ZNF585B: variants seen among roughly 807,000 people sequenced by gnomAD.
The protein encoded by ZNF585B is zinc finger protein 41-like protein.
In ZNF585B, 7 loss-of-function variants were observed where a neutral mutation model predicts 14.0. The observed-to-expected ratio is 0.50, with a 90% CI of 0.28 to 0.94. The LOEUF (loss-of-function observed/expected upper bound fraction) is 0.94, where lower values mean the gene tolerates loss of function less well. Among genes scored for constraint, ZNF585B ranks in the 40% least tolerant of loss-of-function variants. The probability of loss-of-function intolerance (pLI) is 0.09; values close to 1 mark genes in which losing one functional copy is unlikely to be tolerated. For synonymous variants in ZNF585B, 290 were observed against 317.3 expected, an observed-to-expected ratio of 0.91 and a Z score of 0.91; for missense variants, 750 against 924.4, an observed-to-expected ratio of 0.81 and a Z score of 2.45.
At chr19:37,203,624 GT>G (rs1248069575) in intron 2 of ZNF585B, among the ~76,000 whole-genome samples, 1 of 152,026 alleles carries the variant, frequency 6.6e-6, no homozygotes, top group African/African-American at 2.4e-5. Flanking sequence ...GAGCCTTTCT[GT>G]TTTGTTTTGT....
intron 2 of ZNF585B, among the ~76,000 whole-genome samples, chr19:37,193,707 G>A (rs1011626820): frequency 1.3e-5 from 2 of 152,100 alleles, no homozygotes; most frequent in South Asian, 4.1e-4. Flanking sequence ...CTGAGCCCGG[G>A]AGGTCGAAGC....
chr19:37,192,796 T>C (rs1339035321), intron 2 of ZNF585B, among the ~76,000 whole-genome samples: 1 of 136,796 alleles, frequency 7.3e-6, no homozygotes, highest in African/African-American at 2.8e-5. Context: ...GGTGACAGAG[T>C]GAGACTCCAT....
rs1334843996 is a variant in ZNF585B, at chr19:37,184,444, G to C, written c.*783C>G. ...AAAGAAAGAAAAAGAAAGAAAGAAG[G>C]AAAGAAAGAAAGAAAGAAAGAAAGA... is the stretch of plus-strand genomic sequence containing the variant. On this transcript the variant is annotated 3_prime_UTR_variant, in exon 5 of 5. Coordinates refer to ENST00000532828, the MANE Select transcript of ZNF585B (RefSeq NM_152279.4). The C allele has an allele frequency of 8.8e-4, 17 of 19,214 alleles. 1 individual carries two copies. The South Asian group carries it at 0.014, about 15-fold the overall frequency. 1.2% of individuals were successfully genotyped at this position (19,214 alleles called of 1,614,324 possible). A position where few individuals can be genotyped will look rare whatever the true frequency, so the allele number is the denominator to read the frequency against.
At chr19:37,208,102 A>C (rs538534068) in intron 1 of ZNF585B, among the ~76,000 whole-genome samples, 2 of 152,256 alleles carry the variant, frequency 1.3e-5, no homozygotes, top group Admixed American at 1.3e-4. Context: ...CCTCCCAAGT[A>C]GCTGGGACTA....
intron 2 of ZNF585B, among the ~76,000 whole-genome samples, chr19:37,204,661 A>C (rs1164869284): frequency 1.3e-5 from 2 of 151,996 alleles, no homozygotes; most frequent in African/African-American, 4.8e-5. Context: ...TGTAATCTCG[A>C]ACTCTTAGGC....
intron 4 of ZNF585B, among the ~76,000 whole-genome samples, chr19:37,187,691 T>G (rs1429175450): frequency 2.0e-5 from 3 of 152,032 alleles, no homozygotes; most frequent in Non-Finnish European, 4.4e-5. Flanking sequence ...CAAGGGATAA[T>G]AAGTCACTTT....
chr19:37,206,288 C>G (rs192599252), intron 2 of ZNF585B, among the ~76,000 whole-genome samples: 145 of 151,772 alleles, frequency 9.6e-4, no homozygotes, highest in African/African-American at 3.2e-3. Flanking sequence ...CCCGTCTCTA[C>G]TAAAAATACA....
intron 2 of ZNF585B, among the ~76,000 whole-genome samples, chr19:37,191,181 C>T: frequency 6.6e-6 from 1 of 152,128 alleles, no homozygotes; most frequent in Non-Finnish European, 1.5e-5. Context: ...ATGCAACAAT[C>T]TTTATTTTGC....
chr19:37,205,010 AGTG>A (rs1186073298), intron 2 of ZNF585B, among the ~76,000 whole-genome samples: 1 of 152,118 alleles, frequency 6.6e-6, no homozygotes, highest in Admixed American at 6.5e-5. Context: ...AGCCTCCCAA[AGTG>A]CTGGGATTAT....
rs2145431248 is a variant in ZNF585B at position 37,187,252 on chromosome 19, A to C, written c.293-8T>G. 1.3e-6 allele frequency: 2 copies of C among 1,582,402 alleles called. No homozygotes were observed. The highest frequency in any genetic ancestry group is 4.5e-5 in the East Asian group (2 of 44,752). On this transcript the variant is annotated splice_region_variant and splice_polypyrimidine_tract_variant and intron_variant, in intron 4 of 4. Transcript: ENST00000532828. ...GGTCCCATAATTTCTCTCCTGTTGG[A>C]GTACATTCACAGTAAGTATAGAAAG...
chr19:37,186,896 T>G lies in ZNF585B; in HGVS notation c.641A>C (p.Tyr214Ser), dbSNP rs1187708521. 2 of 1,613,904 alleles carry G rather than the reference T, an allele frequency of 1.2e-6. No homozygotes were observed. The highest frequency in any genetic ancestry group is 1.7e-6 in the Non-Finnish European group (2 of 1,179,986). The stretch of plus-strand genomic sequence containing the variant: ...ACCTTTCCCACATTCACTACATTCA[T>G]ATAGTTTTTCTCCGGTATGAATTCT... The part of the protein sequence containing the change: ...HHRIHTGEKL[Y>S]ECSECGKGFP... Residue 214 changes from tyrosine (Y) to serine (S), a missense_variant, in exon 5 of 5, where the codon TAT becomes TCT. Around this residue, in one of 2 missense-constraint regions of ZNF585B, gnomAD observed 517 missense variants for 570.3 expected, o/e 0.91. Coordinates refer to ENST00000532828, the MANE Select transcript of ZNF585B (RefSeq NM_152279.4).
Position 37,183,619 on chromosome 19 carries a change from G to C in ZNF585B, c.*1608C>G, listed in dbSNP as rs1314528907. On this transcript the variant is annotated 3_prime_UTR_variant, in exon 5 of 5. Transcript: ENST00000532828. Reference sequence around the variant, plus strand: ...GTGTCATGGAAAAAAAGACATGACGGACAAGCCACAGATAAAATAAAGAAT... The same window carrying C: ...GTGTCATGGAAAAAAAGACATGACGCACAAGCCACAGATAAAATAAAGAAT... 6.6e-6 allele frequency: 1 copy of C among 152,138 alleles called. No individual in the cohort carries two copies. Among genetic ancestry groups the C allele is most frequent in the Non-Finnish European group, 1.5e-5 (1 of 68,036 alleles). 9.4% of individuals were successfully genotyped at this position (152,138 alleles called of 1,614,324 possible).
Position 37,190,112 on chromosome 19 carries a change from G to A in ZNF585B, c.111C>T (p.Ser37=), listed in dbSNP as rs78158823. The change falls in exon 3 of 5, where the codon AGC becomes AGT. Residue 37 remains serine, a synonymous_variant. Transcript: ENST00000532828. The part of the protein sequence containing the change: ...VSFRDVAIDF[S]REEWRHLDLS... ...GGTCCAGGTGCCGCCATTCCTCTCT[G>A]CTGAAATCGATAGCCACATCCCTGA... 5.2e-3 allele frequency: 8,463 copies of A among 1,614,154 alleles called. 314 individuals are homozygous for A. In the East Asian group the frequency reaches 0.089, roughly 17 times the overall value.
intron 2 of ZNF585B, among the ~76,000 whole-genome samples, chr19:37,193,635 C>G (rs940139179): frequency 6.6e-6 from 1 of 152,154 alleles, no homozygotes; most frequent in Admixed American, 6.5e-5. Context: ...AAAAAATTAG[C>G]CATGCCTGGT....
rs774161366 is a variant in ZNF585B at position 37,185,196 on chromosome 19, C to A, written c.*31G>T. The A allele has an allele frequency of 1.3e-6, 2 of 1,576,682 alleles. No homozygotes were observed. The highest frequency in any genetic ancestry group is 2.2e-5 in the East Asian group (1 of 44,682). On this transcript the variant is annotated 3_prime_UTR_variant, in exon 5 of 5. Transcript: ENST00000532828. ...TGCAACAGTGTACAATCAGACCCAA[C>A]CCTCAGGGGGGTTTTCTCACACTGT...
Position 37,186,785 on chromosome 19 carries a change from A to G in ZNF585B, c.752T>C (p.Phe251Ser). ...HHECTDCGKA[F>S]TQKSTLKIHQ... is the part of the protein sequence containing the mutation. ...AATCTTGAGTGTGGACTTTTGTGTG[A>G]ACGCTTTGCCACAGTCAGTGCATTC... Residue 251 changes from phenylalanine to serine, a missense_variant, in exon 5 of 5, where the codon TTC becomes TCC. Phe to Ser is a radical substitution (Grantham distance 155). Coordinates refer to ENST00000532828, the MANE Select transcript of ZNF585B (RefSeq NM_152279.4). 1 of 1,614,096 alleles carries G rather than the reference A, an allele frequency of 6.2e-7. No individual in the cohort carries two copies. Among genetic ancestry groups the G allele is most frequent in the South Asian group, 1.1e-5 (1 of 91,080 alleles).
intron 2 of ZNF585B, among the ~76,000 whole-genome samples, chr19:37,202,504 T>C (rs1236892227): frequency 1.3e-5 from 2 of 152,178 alleles, no homozygotes; most frequent in African/African-American, 4.8e-5. Flanking sequence ...TTTTCCATCA[T>C]TTTTGACTGC....
At chr19:37,200,248 C>T (rs116526248) in intron 2 of ZNF585B, among the ~76,000 whole-genome samples, 2,619 of 151,332 alleles carry the variant, frequency 0.017, 42 homozygotes, top group Middle Eastern at 0.055. Context: ...AATGAAAAGA[C>T]CCTGCTAAAA....
At chr19:37,209,978 G>T (rs893436389) in intron 1 of ZNF585B, among the ~76,000 whole-genome samples, 1 of 151,854 alleles carries the variant, frequency 6.6e-6, no homozygotes, top group South Asian at 2.1e-4. Context: ...GTCTCCCAAA[G>T]TGCTGGGATT....
Sources: gnomAD v4.1 joint callset for allele counts (sites outside exome capture counted in the v4.1 genomes callset) on GRCh38, gnomAD v4.1.1 for gene constraint, gnomAD v4.1.1 regional missense constraint, MANE v1.5 for transcripts, NCBI Gene and HGNC (gene_info 2026-07-23, HGNC 2026-07-21) for gene names.